ROBO2: variants seen among roughly 807,000 people sequenced by gnomAD.
The protein encoded by ROBO2 is roundabout guidance receptor 2, also known as roundabout homolog 2.
Under a neutral mutation model 160.8 loss-of-function variants are expected in ROBO2, and 53 were observed. The observed-to-expected ratio is 0.33, with a 90% CI of 0.26 to 0.41. The LOEUF is 0.41. Among genes scored for constraint, ROBO2 ranks in the 10% least tolerant of loss-of-function variants. ROBO2 has a pLI of 1.00. For synonymous variants in ROBO2, 664 were observed against 611.7 expected (o/e 1.09, Z -1.26); for missense variants, 1,577 against 1,722.4 (o/e 0.92, Z 1.49).
At chr3:76,071,764 A>G (rs6778177) in intron 2 of ROBO2, among the ~76,000 whole-genome samples, 95,386 of 151,752 alleles carry the variant, frequency 0.63, 30,634 homozygotes, top group Middle Eastern at 0.76. Flanking sequence ...GTAAACAAAT[A>G]CTTTAAAAAT....
intron 2 of ROBO2, among the ~76,000 whole-genome samples, chr3:76,213,319 C>A (rs1575903541): frequency 6.6e-6 from 1 of 152,120 alleles, no homozygotes; most frequent in East Asian, 1.9e-4. Context: ...AAGAAGTTAT[C>A]TAATGTAATC....
chr3:76,701,078 A>G (rs1428988199), intron 2 of ROBO2, among the ~76,000 whole-genome samples: 1 of 152,062 alleles, frequency 6.6e-6, no homozygotes, highest in Non-Finnish European at 1.5e-5. Context: ...AGTTCAATGA[A>G]TGGTATATTT....
chr3:76,013,342 G>A (rs2066267559), intron 2 of ROBO2, among the ~76,000 whole-genome samples: 1 of 147,004 alleles, frequency 6.8e-6, no homozygotes, highest in Non-Finnish European at 1.5e-5. Context: ...GGCTGGCACG[G>A]TGGTGTATGC....
chr3:77,179,985 G>T (rs2080553673), intron 2 of ROBO2, among the ~76,000 whole-genome samples: 1 of 152,062 alleles, frequency 6.6e-6, no homozygotes, highest in Non-Finnish European at 1.5e-5. Context: ...CTGAACCCTG[G>T]GCTGTGTTTG....
rs572490055 is a variant in ROBO2 at position 77,521,924 on chromosome 3, G to A, written c.807-851G>A. Among the ~76,000 whole-genome samples, 23 of 151,310 alleles carry A rather than the reference G, an allele frequency of 1.5e-4. No homozygotes were observed. In the East Asian group the frequency reaches 3.7e-3, roughly 24 times the overall value. ...ATGGATCTAACTGTGGTATGTATGA[G>A]GAAGAGAAGCAAGGTGGCCAATCAG... On this transcript the variant is annotated intron_variant, in intron 5 of 25. Transcript: ENST00000461745.
At chr3:76,816,191 G>A (rs2065649677) in intron 2 of ROBO2, among the ~76,000 whole-genome samples, 1 of 152,072 alleles carries the variant, frequency 6.6e-6, no homozygotes, top group Admixed American at 6.6e-5. Context: ...TGAAAATAAG[G>A]TCTCTAATGT....
At chr3:76,923,653 T>C (rs9827948) in intron 2 of ROBO2, among the ~76,000 whole-genome samples, 70,311 of 151,964 alleles carry the variant, frequency 0.46, 16,688 homozygotes, top group African/African-American at 0.57. Flanking sequence ...CAAGTAACTA[T>C]TGGTAATCGT....
rs533316901 is a variant in ROBO2, at chr3:77,409,206, A to T, written c.389-68208A>T. On this transcript the variant is annotated intron_variant, in intron 2 of 25. Coordinates refer to ENST00000461745, the Ensembl canonical transcript of ROBO2. Reference sequence around the variant, plus strand: ...ACAATTATATTGCAACAAGTTGCTAATTCATAGTTTCTGCTTGAGACTCTA... The same window carrying T: ...ACAATTATATTGCAACAAGTTGCTATTTCATAGTTTCTGCTTGAGACTCTA... 5.3e-5 allele frequency among the ~76,000 whole-genome samples: 8 copies of T among 151,622 alleles called. No homozygotes were observed. The South Asian group carries it at 1.7e-3, about 31-fold the overall frequency.
intron 2 of ROBO2, among the ~76,000 whole-genome samples, chr3:76,859,863 A>G (rs2070550961): frequency 6.6e-6 from 1 of 152,218 alleles, no homozygotes; most frequent in Middle Eastern, 3.4e-3. Flanking sequence ...AAAATTAAAG[A>G]TGACTCATTG....
intron 2 of ROBO2, among the ~76,000 whole-genome samples, chr3:77,248,443 G>A (rs567845028): frequency 5.3e-5 from 8 of 151,892 alleles, no homozygotes; most frequent in Non-Finnish European, 8.8e-5. Flanking sequence ...CTGACCCTCC[G>A]CTGAGCTGCT....
At chr3:76,721,235 T>A (rs2093460869) in intron 2 of ROBO2, among the ~76,000 whole-genome samples, 1 of 151,534 alleles carries the variant, frequency 6.6e-6, no homozygotes, top group African/African-American at 2.4e-5. Context: ...CAAAGTTTCC[T>A]AACTTCTACA....
At chr3:76,352,513 C>T (rs1390149568) in intron 2 of ROBO2, among the ~76,000 whole-genome samples, 1 of 151,954 alleles carries the variant, frequency 6.6e-6, no homozygotes, top group Non-Finnish European at 1.5e-5. Flanking sequence ...TTATAAAATA[C>T]TCCAGCCTGA....
chr3:76,002,603 A>ACGTC (rs1159578498), intron 2 of ROBO2, among the ~76,000 whole-genome samples: 159 of 151,898 alleles, frequency 1.0e-3, no homozygotes, highest in Non-Finnish European at 1.9e-3. Flanking sequence ...TGAGCCTTTA[A>ACGTC]TCTTCTGCCA....
At chr3:77,194,522 G>C (rs563805746) in intron 2 of ROBO2, among the ~76,000 whole-genome samples, 2 of 152,080 alleles carry the variant, frequency 1.3e-5, no homozygotes, top group African/African-American at 4.8e-5. Context: ...AGAAAAATGA[G>C]TTCATTTATT....
intron 2 of ROBO2, among the ~76,000 whole-genome samples, chr3:76,275,922 A>AG (rs1226605264): frequency 2.6e-5 from 4 of 152,074 alleles, no homozygotes; most frequent in East Asian, 1.9e-4. Context: ...AAGAACTCGG[A>AG]GGGGGGGAGC....
intron 2 of ROBO2, among the ~76,000 whole-genome samples, chr3:76,047,288 T>C (rs867399699): frequency 3.3e-5 from 5 of 152,178 alleles, no homozygotes; most frequent in Admixed American, 6.5e-5. Context: ...ATGAAAAATA[T>C]AGCTAAATAG....
At chr3:77,484,146 C>T (rs1023560622) in intron 4 of ROBO2, among the ~76,000 whole-genome samples, 1 of 151,948 alleles carries the variant, frequency 6.6e-6, no homozygotes, top group African/African-American at 2.4e-5. Context: ...ATTAACTGGG[C>T]ATTATCAAAT....
chr3:77,212,588 C>T (rs1418816309), intron 2 of ROBO2, among the ~76,000 whole-genome samples: 4 of 152,058 alleles, frequency 2.6e-5, no homozygotes, highest in Non-Finnish European at 4.4e-5. Flanking sequence ...GCCTGATTGC[C>T]CTGGCCAGAA....
chr3:76,394,907 G>C (rs2077350115), intron 2 of ROBO2, among the ~76,000 whole-genome samples: 1 of 152,050 alleles, frequency 6.6e-6, no homozygotes, highest in East Asian at 1.9e-4. Flanking sequence ...GTCAACATTA[G>C]ACAGATCAAC....
Sources: allele counts gnomAD v4.1 joint callset (sites outside exome capture counted in the v4.1 genomes callset), GRCh38; gene constraint gnomAD v4.1.1; transcripts MANE v1.5; gene names NCBI Gene and HGNC (gene_info 2026-07-23, HGNC 2026-07-21).